Variants in TOX2 observed in about 807,000 individuals in gnomAD.
TOX2 encodes TOX high mobility group box family member 2, also known as granulosa cell HMG box 1.
In TOX2, 15 loss-of-function variants were observed where a neutral mutation model predicts 47.4. The observed-to-expected ratio is 0.32, with a 90% CI of 0.21 to 0.49. The LOEUF (loss-of-function observed/expected upper bound fraction) is 0.49, where lower values mean the gene tolerates loss of function less well. Ranked by LOEUF, TOX2 falls within the 20% of genes least tolerant of loss-of-function variation. The probability of loss-of-function intolerance (pLI) is 0.99; values close to 1 mark genes in which losing one functional copy is unlikely to be tolerated. For synonymous variants in TOX2, 290 were observed against 296.6 expected (o/e 0.98, Z 0.23); for missense variants, 622 against 673.1 (o/e 0.92, Z 0.84).
At chr20:44,006,470 C>G (rs1433284242) in intron 2 of TOX2, 77 bp from the exon 3 acceptor site, 2 of 1,526,326 alleles carry the variant, frequency 1.3e-6, no homozygotes, top group Non-Finnish European at 1.8e-6. Context: ...ATTATTGTTG[C>G]TGTTATTGGT....
rs116081249 is a variant in TOX2, at chr20:44,004,460, A to G, written c.166-2087A>G. Among the ~76,000 whole-genome samples, 1,234 of 152,264 alleles carry G rather than the reference A, an allele frequency of 8.1e-3. 5 individuals are homozygous for G. The highest frequency in any genetic ancestry group is 0.041 in the Middle Eastern group (12 of 294). On this transcript the variant is annotated intron_variant, in intron 2 of 8. Transcript: ENST00000341197. Reference sequence around the variant, plus strand: ...GGACATGGTCATGGCCTGTTCCCAGATGACTGTTTGCCCATCTATGAGATC... The same window carrying G: ...GGACATGGTCATGGCCTGTTCCCAGGTGACTGTTTGCCCATCTATGAGATC...
chr20:44,063,787 TACACAC>T (rs61481919), intron 5 of TOX2, among the ~76,000 whole-genome samples: 6 of 134,084 alleles, frequency 4.5e-5, no homozygotes, highest in African/African-American at 1.4e-4. Context: ...CATATATATG[TACACAC>T]ACACACACAC....
At chr20:44,001,781 C>T (rs546581614) in intron 2 of TOX2, among the ~76,000 whole-genome samples, 5 of 152,146 alleles carry the variant, frequency 3.3e-5, no homozygotes, top group South Asian at 4.2e-4. Flanking sequence ...GGCTGAGGGG[C>T]GTGTAGTATG....
chr20:43,945,667 T>C, intron 1 of TOX2: 1 of 469,446 alleles, frequency 2.1e-6, no homozygotes, highest in Non-Finnish European at 3.9e-6. Context: ...AGGGGCTGCC[T>C]CCCCTTCTGC....
At chr20:43,942,403 C>T (rs2069413561) in intron 1 of TOX2, among the ~76,000 whole-genome samples, 1 of 152,188 alleles carries the variant, frequency 6.6e-6, no homozygotes, top group Admixed American at 6.5e-5. Context: ...AAACAAGTAA[C>T]ATCATAGCTC....
intron 2 of TOX2, among the ~76,000 whole-genome samples, chr20:43,983,776 G>A: frequency 6.6e-6 from 1 of 152,156 alleles, no homozygotes; most frequent in East Asian, 1.9e-4. Flanking sequence ...TGTTTTCCAT[G>A]GGTGGTCTCA....
chr20:44,068,668 A>G lies in TOX2; in HGVS notation c.1503A>G (p.Lys501=). Residue 501 remains lysine (K), a synonymous_variant, in exon 9 of 9, where the codon AAA becomes AAG. Coordinates refer to ENST00000341197, the MANE Select transcript of TOX2 (RefSeq NM_001098797.2). Reference sequence around the variant, plus strand: ...CTCACAGCCTGCTCCCCAGGGACAAATCGCTCTACCTCACCTAATCCCGCC... The same window carrying G: ...CTCACAGCCTGCTCCCCAGGGACAAGTCGCTCTACCTCACCTAATCCCGCC... ...ISTCSLLPRD[K]SLYLT is the part of the protein sequence containing the mutation. 6.2e-7 allele frequency: 1 copy of G among 1,613,486 alleles called. No homozygotes were observed.
At chr20:44,006,251 T>C (rs965920415) in intron 2 of TOX2, among the ~76,000 whole-genome samples, 1 of 152,138 alleles carries the variant, frequency 6.6e-6, no homozygotes, top group Non-Finnish European at 1.5e-5. Flanking sequence ...TGGACTGTGA[T>C]GGCCAGATCT....
At chr20:43,927,456 A>G (rs6031242) in intron 1 of TOX2, among the ~76,000 whole-genome samples, 32,628 of 130,630 alleles carry the variant, frequency 0.25, 5,645 homozygotes, top group East Asian at 0.48. Flanking sequence ...GATGATCTAT[A>G]TAACACACAC....
chr20:44,013,556 G>A (rs2070819157), intron 3 of TOX2, among the ~76,000 whole-genome samples: 1 of 152,222 alleles, frequency 6.6e-6, no homozygotes, highest in African/African-American at 2.4e-5. Context: ...TTTTGGTTTG[G>A]TCTTGTCTTA....
At chr20:43,951,662 C>A (rs2069568218) in intron 1 of TOX2, among the ~76,000 whole-genome samples, 1 of 143,142 alleles carries the variant, frequency 7.0e-6, no homozygotes, top group South Asian at 2.2e-4. Flanking sequence ...GTGCCTGACT[C>A]ATGGTAGATG....
chr20:44,054,657 A>G (rs2071586236), intron 5 of TOX2, 131 bp downstream of exon 5: 2 of 998,480 alleles, frequency 2.0e-6, no homozygotes, highest in African/African-American at 3.3e-5. Context: ...TCCTGGGCTC[A>G]GGTTGCCCAT....
chr20:43,940,934 G>T (rs1178804380), intron 1 of TOX2, among the ~76,000 whole-genome samples: 1 of 152,198 alleles, frequency 6.6e-6, no homozygotes, highest in Non-Finnish European at 1.5e-5. Context: ...AAGCTGTGAA[G>T]CCGACTTCAT....
chr20:44,021,316 T>G (rs2070972205), intron 3 of TOX2, among the ~76,000 whole-genome samples: 1 of 152,132 alleles, frequency 6.6e-6, no homozygotes, highest in Non-Finnish European at 1.5e-5. Context: ...TTTGCAGCAC[T>G]GGTAGCAACT....
chr20:44,003,037 C>G (rs991128263), intron 2 of TOX2, among the ~76,000 whole-genome samples: 1 of 152,170 alleles, frequency 6.6e-6, no homozygotes, highest in African/African-American at 2.4e-5. Flanking sequence ...AGCCAGGATG[C>G]AAACCCAAGC....
At chr20:44,052,144 C>T (rs1195637667) in intron 4 of TOX2, among the ~76,000 whole-genome samples, 1 of 152,122 alleles carries the variant, frequency 6.6e-6, no homozygotes, top group African/African-American at 2.4e-5. Context: ...TATTCACTGA[C>T]CTTGAGGGTG....
chr20:44,023,721 G>C, intron 3 of TOX2, among the ~76,000 whole-genome samples: 1 of 152,238 alleles, frequency 6.6e-6, no homozygotes, highest in South Asian at 2.1e-4. Context: ...GGTGCTCTCA[G>C]CATCAGTGCC....
chr20:43,956,559 TAAA>T (rs11474983), intron 1 of TOX2, among the ~76,000 whole-genome samples: 49 of 120,448 alleles, frequency 4.1e-4, no homozygotes, highest in East Asian at 7.3e-4. Context: ...GTTCTATCTT[TAAA>T]AAAAAAAAAA....
chr20:44,041,600 C>T (rs752337410), intron 3 of TOX2, among the ~76,000 whole-genome samples: 14 of 152,228 alleles, frequency 9.2e-5, no homozygotes, highest in Admixed American at 2.6e-4. Context: ...GGGAAGTGGG[C>T]GCTCTCATCC....
Sources: allele counts gnomAD v4.1 joint callset (sites outside exome capture counted in the v4.1 genomes callset), GRCh38; gene constraint gnomAD v4.1.1; transcripts MANE v1.5; gene names NCBI Gene and HGNC (gene_info 2026-07-23, HGNC 2026-07-21).